The following RPRD1A variants were observed in gnomAD, a reference collection of about 807,000 sequenced individuals.
The protein encoded by RPRD1A is regulation of nuclear pre-mRNA domain containing 1A.
RPRD1A carries 9 observed loss-of-function variants against 37.8 expected under a neutral mutation model. That is an observed-to-expected ratio of 0.24 (90% CI 0.14 to 0.42). RPRD1A has a LOEUF of 0.42. Among genes scored for constraint, RPRD1A ranks in the 10% least tolerant of loss-of-function variants. RPRD1A has a pLI of 1.00. For missense variants in RPRD1A, 255 were observed against 371.0 expected (o/e 0.69, Z 2.57); for synonymous variants, 138 against 139.7 (o/e 0.99, Z 0.08).
intron 1 of RPRD1A, among the ~76,000 whole-genome samples, chr18:36,034,296 G>A (rs1475824129): frequency 1.3e-5 from 2 of 152,106 alleles, no homozygotes; most frequent in Non-Finnish European, 2.9e-5. Context: ...TTTTGTTTAT[G>A]CAATAAATAT....
chr18:36,047,103 C>G (rs1021948472), intron 1 of RPRD1A, among the ~76,000 whole-genome samples: 2 of 151,884 alleles, frequency 1.3e-5, no homozygotes, highest in Non-Finnish European at 2.9e-5. Flanking sequence ...TACCTGTAGT[C>G]CCAGCTATTC....
At chr18:36,054,865 A>AG (rs1158077062) in intron 1 of RPRD1A, among the ~76,000 whole-genome samples, 1 of 151,990 alleles carries the variant, frequency 6.6e-6, no homozygotes, top group East Asian at 1.9e-4. Context: ...AAAGAAAGAA[A>AG]AAAAAAAAGT....
chr18:35,995,591 A>G (rs547638432), intron 6 of RPRD1A, among the ~76,000 whole-genome samples: 17 of 152,288 alleles, frequency 1.1e-4, no homozygotes, highest in African/African-American at 4.1e-4. Flanking sequence ...CTTATAAAAG[A>G]ATGCAATAAC....
chr18:36,016,139 C>T (rs1362358728), intron 6 of RPRD1A, among the ~76,000 whole-genome samples: 1 of 152,246 alleles, frequency 6.6e-6, no homozygotes, highest in Non-Finnish European at 1.5e-5. Context: ...CTGTCCTCCA[C>T]AGAGTGGACC....
chr18:35,997,419 T>C (rs907293327), intron 6 of RPRD1A, among the ~76,000 whole-genome samples: 1 of 152,210 alleles, frequency 6.6e-6, no homozygotes, highest in Admixed American at 6.5e-5. Context: ...AATTCTATCA[T>C]TTGAATGGTT....
intron 6 of RPRD1A, among the ~76,000 whole-genome samples, chr18:36,005,873 G>GTT (rs1185555113): frequency 6.6e-6 from 1 of 151,958 alleles, no homozygotes; most frequent in Non-Finnish European, 1.5e-5. Flanking sequence ...TTACAACTAT[G>GTT]TTTACGATGA....
At chr18:36,038,580 T>C (rs553157028) in intron 1 of RPRD1A, among the ~76,000 whole-genome samples, 5 of 152,200 alleles carry the variant, frequency 3.3e-5, no homozygotes, top group South Asian at 4.1e-4. Flanking sequence ...AAATGTGGGA[T>C]TGGAGCTCTC....
At chr18:36,064,391 G>A (rs1341954577) in intron 1 of RPRD1A, 1 of 152,472 alleles carries the variant, frequency 6.6e-6, no homozygotes, top group Non-Finnish European at 1.5e-5. Flanking sequence ...ATTGAGAGGT[G>A]AAGCCAGCTG....
intron 6 of RPRD1A, among the ~76,000 whole-genome samples, chr18:36,022,121 C>A (rs550213461): frequency 6.6e-6 from 1 of 152,330 alleles, no homozygotes; most frequent in East Asian, 1.9e-4. Context: ...TTCCCTTAAA[C>A]TAAAGCCTAA....
chr18:35,992,483 G>A lies in RPRD1A; in HGVS notation c.*668C>T, dbSNP rs1274450862. Reference sequence around the variant, plus strand: ...ATAATTACAAACAGTTTAATCAAGGGAGTCACTATTTAACACTTTTAAAAT... The same window carrying A: ...ATAATTACAAACAGTTTAATCAAGGAAGTCACTATTTAACACTTTTAAAAT... On this transcript the variant is annotated 3_prime_UTR_variant, in exon 7 of 7. Coordinates refer to ENST00000399022, the MANE Select transcript of RPRD1A (RefSeq NM_018170.5). The A allele has an allele frequency of 1.3e-5, 2 of 151,716 alleles. No homozygotes were observed. The highest frequency in any genetic ancestry group is 2.9e-5 in the Non-Finnish European group (2 of 67,900). The allele number at this position is 151,716 out of a possible 1,614,324, so 9.4% of individuals were successfully genotyped here.
chr18:36,018,124 T>G (rs535769069), intron 6 of RPRD1A, among the ~76,000 whole-genome samples: 2 of 152,328 alleles, frequency 1.3e-5, no homozygotes, highest in East Asian at 3.9e-4. Context: ...TGGACTCTGC[T>G]AAAATGATTT....
intron 1 of RPRD1A, among the ~76,000 whole-genome samples, chr18:36,034,887 G>A (rs1320561387): frequency 6.6e-6 from 1 of 152,176 alleles, no homozygotes; most frequent in Non-Finnish European, 1.5e-5. Flanking sequence ...GGAGCAACCA[G>A]AAGCCCAACC....
intron 1 of RPRD1A, chr18:36,040,853 T>C (rs1423783640): frequency 6.6e-7 from 1 of 1,522,442 alleles, no homozygotes; most frequent in Admixed American, 2.0e-5. Context: ...TTCTCATTTG[T>C]TGCACCTCCA....
intron 1 of RPRD1A, among the ~76,000 whole-genome samples, chr18:36,045,925 T>C (rs553161280): frequency 4.2e-4 from 64 of 152,308 alleles, no homozygotes; most frequent in African/African-American, 1.4e-3. Context: ...AAAAGTCATG[T>C]GTGGACATTG....
At chr18:36,009,229 A>AT (rs1461577232) in intron 6 of RPRD1A, among the ~76,000 whole-genome samples, 1 of 152,106 alleles carries the variant, frequency 6.6e-6, no homozygotes, top group Non-Finnish European at 1.5e-5. Context: ...AACATGGATT[A>AT]TCCCAGCAAC....
At chr18:36,014,899 C>A (rs1182885670) in intron 6 of RPRD1A, among the ~76,000 whole-genome samples, 4 of 151,874 alleles carry the variant, frequency 2.6e-5, no homozygotes, top group African/African-American at 9.7e-5. Flanking sequence ...TGAGATACTA[C>A]CTAATATACA....
intron 1 of RPRD1A, among the ~76,000 whole-genome samples, chr18:36,050,452 T>A (rs1284031063): frequency 2.6e-5 from 4 of 152,114 alleles, no homozygotes; most frequent in African/African-American, 9.7e-5. Flanking sequence ...TTTGCTTTTG[T>A]ATCATCAAGA....
intron 6 of RPRD1A, among the ~76,000 whole-genome samples, chr18:36,005,169 C>T (rs961323361): frequency 1.7e-4 from 26 of 152,032 alleles, no homozygotes; most frequent in African/African-American, 6.3e-4. Flanking sequence ...GGCGTGGTGG[C>T]GGGCGCCTGT....
chr18:36,060,405 G>A (rs2088884171), intron 1 of RPRD1A, among the ~76,000 whole-genome samples: 3 of 152,036 alleles, frequency 2.0e-5, no homozygotes, highest in African/African-American at 4.8e-5. Flanking sequence ...CTGCACTCCA[G>A]CCTGGGCAAC....
Sources: gnomAD v4.1 joint callset for allele counts (sites outside exome capture counted in the v4.1 genomes callset) on GRCh38, gnomAD v4.1.1 for gene constraint, MANE v1.5 for transcripts, NCBI Gene and HGNC (gene_info 2026-07-23, HGNC 2026-07-21) for gene names.